INSYN2B: variants seen among roughly 807,000 people sequenced by gnomAD.
INSYN2B encodes protein INSYN2B.
In INSYN2B, 16 loss-of-function variants were observed where a neutral mutation model predicts 41.2. The ratio of observed to expected loss-of-function variants is 0.39; its 90% CI spans 0.26 to 0.59. The LOEUF is 0.59. Among genes scored for constraint, INSYN2B ranks in the 20% least tolerant of loss-of-function variants. The pLI, the probability that INSYN2B is intolerant of heterozygous loss-of-function variation, is 0.57. For missense variants in INSYN2B, 608 were observed against 646.4 expected, an observed-to-expected ratio of 0.94 and a Z score of 0.64; for synonymous variants, 245 against 244.4, an observed-to-expected ratio of 1.00 and a Z score of -0.02.
At chr5:169,896,506 A>AGCTAATAATATTACTTAAGAAGC (rs1773617581) in intron 1 of INSYN2B, among the ~76,000 whole-genome samples, 4 of 152,076 alleles carry the variant, frequency 2.6e-5, no homozygotes, top group African/African-American at 9.7e-5. Context: ...ACTTAAGAAG[A>AGCTAATAATATTACTTAAGAAGC]TGTAGCTAAT....
In INSYN2B at chr5:169,882,855, C is replaced by A. The variant is rs373092434; in HGVS notation, c.1044G>T (p.Ser348=). The change falls in exon 2 of 4, where the codon TCG becomes TCT. Residue 348 remains serine (S), a synonymous_variant. Coordinates refer to ENST00000377365, the MANE Select transcript of INSYN2B (RefSeq NM_001129891.3). ...GCTCCTGACACCCAGGGGCAGATTT[C>A]GATGCACTGTTAGTTTTGAGTGACA... The part of the protein sequence containing the change: ...NLVSLKTNSA[S]KSAPGCQEQT... 9.0e-6 allele frequency: 14 copies of A among 1,550,888 alleles called. No homozygotes were observed. Among genetic ancestry groups the A allele is most frequent in the Middle Eastern group, 3.3e-4 (2 of 6,012 alleles).
chr5:169,867,320 C>T (rs1359705814), intron 3 of INSYN2B, among the ~76,000 whole-genome samples: 1 of 152,130 alleles, frequency 6.6e-6, no homozygotes, highest in East Asian at 1.9e-4. Context: ...GAGGCCTGCT[C>T]CTGAGGCCTA....
intron 1 of INSYN2B, among the ~76,000 whole-genome samples, chr5:169,972,593 TAGATAGATA>T (rs1777558678): frequency 7.4e-6 from 1 of 135,448 alleles, no homozygotes; most frequent in African/African-American, 3.1e-5. Context: ...AGATGATAGA[TAGATAGATA>T]GATAGATAGA....
chr5:169,875,302 C>A (rs1027660534), intron 3 of INSYN2B: 2 of 456,574 alleles, frequency 4.4e-6, no homozygotes, highest in African/African-American at 4.0e-5. Flanking sequence ...TGAAACCCAG[C>A]AACAAGTTTC....
chr5:169,890,928 A>G (rs1773245467), intron 1 of INSYN2B, among the ~76,000 whole-genome samples: 1 of 152,134 alleles, frequency 6.6e-6, no homozygotes, highest in Non-Finnish European at 1.5e-5. Flanking sequence ...ATAATATTTA[A>G]TCAGATCACA....
chr5:169,975,483 C>G (rs186872361), intron 1 of INSYN2B, among the ~76,000 whole-genome samples: 2 of 152,264 alleles, frequency 1.3e-5, no homozygotes, highest in East Asian at 1.9e-4. Context: ...ATATACGGAG[C>G]CTTCCCTCAG....
chr5:169,896,929 C>CT (rs1773644866), intron 1 of INSYN2B, among the ~76,000 whole-genome samples: 1 of 152,172 alleles, frequency 6.6e-6, no homozygotes, highest in Non-Finnish European at 1.5e-5. Context: ...TGAGCATCAA[C>CT]TTTGACGTGA....
At chr5:169,977,540 G>A (rs908021476) in intron 1 of INSYN2B, among the ~76,000 whole-genome samples, 2 of 152,164 alleles carry the variant, frequency 1.3e-5, no homozygotes, top group Non-Finnish European at 2.9e-5. Flanking sequence ...TACAGATGAG[G>A]CAGCTGAGGC....
chr5:169,945,101 G>A (rs74500423), intron 1 of INSYN2B, among the ~76,000 whole-genome samples: 2 of 152,304 alleles, frequency 1.3e-5, no homozygotes, highest in East Asian at 1.9e-4. Context: ...TTAGGGAACC[G>A]ACTGTGGTTT....
At chr5:169,926,058 G>A (rs1011904900) in intron 1 of INSYN2B, among the ~76,000 whole-genome samples, 1 of 152,190 alleles carries the variant, frequency 6.6e-6, no homozygotes, top group South Asian at 2.1e-4. Flanking sequence ...CCATTGCTTA[G>A]AGCTGAGCTT....
intron 1 of INSYN2B, among the ~76,000 whole-genome samples, chr5:169,898,270 G>C (rs1319692694): frequency 6.6e-6 from 1 of 152,166 alleles, no homozygotes; most frequent in Admixed American, 6.5e-5. Context: ...TTTCTCATGG[G>C]GGCTCCGCTT....
chr5:169,973,428 G>A (rs950172513), intron 1 of INSYN2B, among the ~76,000 whole-genome samples: 6 of 152,162 alleles, frequency 3.9e-5, no homozygotes, highest in Non-Finnish European at 7.3e-5. Context: ...TACCTAGTGT[G>A]TGCCAGGCTT....
intron 1 of INSYN2B, among the ~76,000 whole-genome samples, chr5:169,924,492 C>T (rs1340581812): frequency 6.6e-6 from 1 of 152,092 alleles, no homozygotes; most frequent in Middle Eastern, 3.2e-3. Context: ...TTATTTGTTC[C>T]TGAGAAGAAT....
intron 1 of INSYN2B, among the ~76,000 whole-genome samples, chr5:169,962,894 C>T (rs1341778526): frequency 6.6e-6 from 1 of 152,122 alleles, no homozygotes; most frequent in East Asian, 1.9e-4. Flanking sequence ...AGCCTTAGCT[C>T]CCCTGTCCCT....
intron 1 of INSYN2B, among the ~76,000 whole-genome samples, chr5:169,922,840 A>C (rs1228264560): frequency 6.6e-6 from 1 of 152,188 alleles, no homozygotes; most frequent in Non-Finnish European, 1.5e-5. Flanking sequence ...TGGTTTTCCA[A>C]GGGGAATTCT....
At position 169,862,071 on chromosome 5, in the gene INSYN2B, G is replaced by A. The variant is rs1771238891; in HGVS notation, c.*2202C>T. On this transcript the variant is annotated 3_prime_UTR_variant, in exon 4 of 4. Coordinates refer to ENST00000377365, the MANE Select transcript of INSYN2B (RefSeq NM_001129891.3). Reference sequence around the variant, plus strand: ...GACCACATCAGCTTATTAATTTTGTGTGAGGTACCTCAAACATCTCTTTAT... The same window carrying A: ...GACCACATCAGCTTATTAATTTTGTATGAGGTACCTCAAACATCTCTTTAT... Among the ~76,000 whole-genome samples the A allele has an allele frequency of 2.6e-5, 4 of 152,036 alleles. No individual in the cohort carries two copies. The South Asian group carries it at 8.3e-4, about 32-fold the overall frequency.
Position 169,884,035 on chromosome 5 carries a change from G to A in INSYN2B, c.-137C>T. 1 of 750,164 alleles carries A rather than the reference G, an allele frequency of 1.3e-6. No homozygotes were observed. Among genetic ancestry groups the A allele is most frequent in the African/African-American group, 1.7e-5 (1 of 57,280 alleles). 46.5% of individuals were successfully genotyped at this position (750,164 alleles called of 1,614,324 possible). A position where few individuals can be genotyped will look rare whatever the true frequency, so the allele number is the denominator to read the frequency against. ...AGGATGGAGTGGTCCTCTCCTCTTA[G>A]TATGGGAAATCCTGTTGGCCATTCC... On this transcript the variant is annotated 5_prime_UTR_variant, in exon 2 of 4. Transcript: ENST00000377365.
chr5:169,950,347 G>T (rs57354647), intron 1 of INSYN2B, among the ~76,000 whole-genome samples: 1 of 152,168 alleles, frequency 6.6e-6, no homozygotes, highest in African/African-American at 2.4e-5. Flanking sequence ...TATGCAAAGC[G>T]CTTAGTGTCT....
intron 1 of INSYN2B, among the ~76,000 whole-genome samples, chr5:169,926,586 C>T (rs1775474289): frequency 6.6e-6 from 1 of 152,278 alleles, no homozygotes; most frequent in African/African-American, 2.4e-5. Flanking sequence ...CACATCAGCT[C>T]ACTCAGGCAG....
Sources: gnomAD v4.1 joint callset for allele counts (sites outside exome capture counted in the v4.1 genomes callset) on GRCh38, gnomAD v4.1.1 for gene constraint, MANE v1.5 for transcripts, NCBI Gene and HGNC (gene_info 2026-07-23, HGNC 2026-07-21) for gene names.